CYP2C8: variants seen among roughly 807,000 people sequenced by gnomAD.
CYP2C8 encodes the protein cytochrome P450 2C8.
In CYP2C8, 51 loss-of-function variants were observed where a neutral mutation model predicts 41.3. The observed-to-expected ratio is 1.24, with a 90% CI of 0.99 to 1.56. The LOEUF is 1.56. CYP2C8 is among the 40% of genes most tolerant of loss of function. The probability of loss-of-function intolerance (pLI) is 0.00; values close to 1 mark genes in which losing one functional copy is unlikely to be tolerated. For missense variants in CYP2C8, 651 were observed against 579.9 expected (o/e 1.12, Z -1.26); for synonymous variants, 218 against 205.8 (o/e 1.06, Z -0.51).
chr10:95,045,138 G>A (rs1218098125), intron 6 of CYP2C8, among the ~76,000 whole-genome samples: 2 of 152,210 alleles, frequency 1.3e-5, no homozygotes, highest in Non-Finnish European at 2.9e-5. Flanking sequence ...CTAAGGAAAT[G>A]TAGAGTTTAC....
intron 4 of CYP2C8, among the ~76,000 whole-genome samples, chr10:95,059,097 T>C (rs1023271614): frequency 6.6e-6 from 1 of 152,212 alleles, no homozygotes. Flanking sequence ...AGTGCCACAA[T>C]AAACATACGT....
At chr10:95,051,625 T>A (rs1008930945) in intron 5 of CYP2C8, among the ~76,000 whole-genome samples, 1 of 152,148 alleles carries the variant, frequency 6.6e-6, no homozygotes, top group Admixed American at 6.6e-5. Flanking sequence ...GTTTTTATAG[T>A]TTTGGAGCTT....
Position 95,044,067 on chromosome 10 carries a change from C to G in CYP2C8, c.962-990G>C, listed in dbSNP as rs1485923861. Among the ~76,000 whole-genome samples the G allele has an allele frequency of 2.0e-5, 3 of 152,156 alleles. No individual in the cohort carries two copies. In the East Asian group the frequency reaches 5.8e-4, roughly 29 times the overall value. ...AAGTCTCCTCTACATGTATTATTCACCTGGTCCCTTCTGAAGTGGTTGTTT... is the reference window on the plus strand; with the variant it reads ...AAGTCTCCTCTACATGTATTATTCAGCTGGTCCCTTCTGAAGTGGTTGTTT... On this transcript the variant is annotated intron_variant, in intron 6 of 8. Transcript: ENST00000371270.
intron 4 of CYP2C8, among the ~76,000 whole-genome samples, 198 bp from the exon 5 acceptor site, chr10:95,058,709 A>G (rs563078208): frequency 1.3e-5 from 2 of 152,286 alleles, no homozygotes; most frequent in East Asian, 3.9e-4. Context: ...TTTGTCACAT[A>G]TGTATACATG....
At chr10:95,068,649 A>G (rs752397723) in intron 1 of CYP2C8, 43 of 1,283,086 alleles carry the variant, frequency 3.4e-5, no homozygotes, top group Non-Finnish European at 4.1e-5. Context: ...AAGAGGAGAA[A>G]CAGCACTTTA....
At chr10:95,065,934 A>G (rs2033551202) in intron 3 of CYP2C8, among the ~76,000 whole-genome samples, 1 of 152,192 alleles carries the variant, frequency 6.6e-6, no homozygotes, top group Non-Finnish European at 1.5e-5. Flanking sequence ...ATTCACATCT[A>G]TAGGTCCTAA....
intron 5 of CYP2C8, among the ~76,000 whole-genome samples, chr10:95,050,738 C>G (rs1238479343): frequency 6.6e-6 from 1 of 152,148 alleles, no homozygotes; most frequent in Non-Finnish European, 1.5e-5. Context: ...GCAGATACAG[C>G]TTAGATCACA....
At chr10:95,063,902 C>T (rs979343986) in intron 4 of CYP2C8, among the ~76,000 whole-genome samples, 2 of 152,146 alleles carry the variant, frequency 1.3e-5, no homozygotes, top group African/African-American at 4.8e-5. Flanking sequence ...CACTCCAGAC[C>T]CTGTTTGCCT....
rs72558195 is a variant in CYP2C8, at chr10:95,064,886, G to C, written c.556C>G (p.Arg186Gly). The C allele has an allele frequency of 6.2e-7, 1 of 1,613,658 alleles. No individual in the cohort carries two copies. Among genetic ancestry groups the C allele is most frequent in the East Asian group, 2.2e-5 (1 of 44,866 alleles). Residue 186 changes from arginine (R) to glycine (G), a missense_variant, in exon 4 of 9, where the codon CGA (arginine) becomes GGA (glycine). Coordinates refer to ENST00000371270, the MANE Select transcript of CYP2C8 (RefSeq NM_000770.3). ...NVICSVVFQK[R>G]FDYKDQNFLT... ...AAATTCTGATCTTTATAATCAAATC[G>C]TTTCTGGAAAACAACGGAGCAGATC...
At chr10:95,038,753 A>G in intron 8 of CYP2C8, 144 bp downstream of exon 8, 2 of 738,336 alleles carry the variant, frequency 2.7e-6, no homozygotes, top group Non-Finnish European at 4.6e-6. Flanking sequence ...GTGAGGGTGG[A>G]GCACATGGGT....
intron 4 of CYP2C8, among the ~76,000 whole-genome samples, chr10:95,064,043 G>A (rs563438513): frequency 6.6e-6 from 1 of 152,252 alleles, no homozygotes; most frequent in South Asian, 2.1e-4. Flanking sequence ...GCCCCTACTA[G>A]GGGGTGCCTC....
chr10:95,037,946 A>G (rs2032919009), intron 8 of CYP2C8, among the ~76,000 whole-genome samples: 2 of 152,182 alleles, frequency 1.3e-5, no homozygotes, highest in Admixed American at 1.3e-4. Flanking sequence ...TCAACAGCAT[A>G]CTCATGCTTT....
Position 95,067,832 on chromosome 10 carries a change from A to G in CYP2C8, c.169-141T>C, listed in dbSNP as rs2033604224. ...GATTCGATATTTCTGAATTTTGTAC[A>G]TAAATGTGATGGTGATTGTTATAGC... is the stretch of plus-strand genomic sequence containing the variant. On this transcript the variant is annotated intron_variant, in intron 1 of 8. Transcript: ENST00000371270. 8 of 941,880 alleles carry G rather than the reference A, an allele frequency of 8.5e-6. 1 individual carries two copies. The highest frequency in any genetic ancestry group is 1.3e-5 in the Non-Finnish European group (8 of 618,678). 58.3% of individuals were successfully genotyped at this position (941,880 alleles called of 1,614,324 possible).
At chr10:95,056,393 C>T (rs752673706) in intron 5 of CYP2C8, among the ~76,000 whole-genome samples, 8 of 152,134 alleles carry the variant, frequency 5.3e-5, no homozygotes, top group Non-Finnish European at 1.2e-4. Context: ...AATAACACTC[C>T]TAGGACTATA....
rs1488586321 is a variant in CYP2C8, at chr10:95,068,661, A to G, written c.168+574T>C. ...ACAAAGAGGAGAAACAGCACTTTAA[A>G]CTTTTGCCACTGTATTAAATGATTA... On this transcript the variant is annotated intron_variant, in intron 1 of 8. Transcript: ENST00000371270. 6.5e-6 allele frequency: 8 copies of G among 1,240,142 alleles called. No individual in the cohort carries two copies. In the Admixed American group the frequency reaches 1.8e-4, roughly 29 times the overall value. The allele number at this position is 1,240,142 out of a possible 1,614,324, so 76.8% of individuals were successfully genotyped here. A position where few individuals can be genotyped will look rare whatever the true frequency, so the allele number is the denominator to read the frequency against.
chr10:95,043,287 T>C (rs1437396409), intron 6 of CYP2C8, among the ~76,000 whole-genome samples: 1 of 152,200 alleles, frequency 6.6e-6, no homozygotes, highest in Non-Finnish European at 1.5e-5. Flanking sequence ...AGTGCATAAG[T>C]ACATTTCTAT....
intron 4 of CYP2C8, among the ~76,000 whole-genome samples, chr10:95,060,327 T>G (rs1243329968): frequency 6.6e-6 from 1 of 152,122 alleles, no homozygotes; most frequent in Non-Finnish European, 1.5e-5. Context: ...GTTGAGCAGT[T>G]GTTTGTAGTT....
In CYP2C8 at chr10:95,067,668, C is replaced by T; in HGVS notation, c.192G>A (p.Val64=). 6.2e-7 allele frequency: 1 copy of T among 1,614,136 alleles called. No individual in the cohort carries two copies. Among genetic ancestry groups the T allele is most frequent in the Non-Finnish European group, 8.5e-7 (1 of 1,180,020 alleles). The change falls in exon 2 of 9, where the codon GTG becomes GTA. Residue 64 remains valine, a synonymous_variant. Coordinates refer to ENST00000371270, the MANE Select transcript of CYP2C8 (RefSeq NM_000770.3). ...FTNFSKVYGP[V]FTVYFGMNPI... is the part of the protein sequence containing the mutation. ...GATTCATGCCAAAATACACGGTGAA[C>T]ACAGGACCATAGACTTTTGAGAACT...
chr10:95,067,121 C>T (rs879625531), intron 3 of CYP2C8, 87 bp downstream of exon 3: 12 of 1,589,858 alleles, frequency 7.5e-6, no homozygotes, highest in East Asian at 6.7e-5. Flanking sequence ...GCAATGAAGA[C>T]CTGGCCACCC....
Sources: allele counts gnomAD v4.1 joint callset (sites outside exome capture counted in the v4.1 genomes callset), GRCh38; gene constraint gnomAD v4.1.1; transcripts MANE v1.5; gene names NCBI Gene and HGNC (gene_info 2026-07-23, HGNC 2026-07-21).